Variants in OTOGL observed in about 807,000 individuals in gnomAD.
OTOGL encodes the protein otogelin like.
OTOGL carries 285 observed loss-of-function variants against 318.5 expected under a neutral mutation model. The observed-to-expected ratio is 0.89, with a 90% confidence interval of 0.81 to 0.99. The LOEUF (loss-of-function observed/expected upper bound fraction) is 0.99, where lower values mean the gene tolerates loss of function less well. Among genes scored for constraint, OTOGL ranks in the 50% least tolerant of loss-of-function variants. OTOGL has a pLI of 0.00. For synonymous variants in OTOGL, 987 were observed against 936.5 expected, an observed-to-expected ratio of 1.05 and a Z score of -0.99; for missense variants, 2,899 against 2,845.6, an observed-to-expected ratio of 1.02 and a Z score of -0.43.
chr12:80,292,576 G>T (rs1379476651), intron 26 of OTOGL, among the ~76,000 whole-genome samples: 1 of 152,162 alleles, frequency 6.6e-6, no homozygotes, highest in East Asian at 1.9e-4. Flanking sequence ...GCAAGTTGTG[G>T]ACTGCAGCTG....
At chr12:80,154,469 C>G (rs188640888) in intron 1 of OTOGL, among the ~76,000 whole-genome samples, 9 of 151,662 alleles carry the variant, frequency 5.9e-5, no homozygotes, top group Admixed American at 5.9e-4. Flanking sequence ...CACAATCAAT[C>G]AAATATTTTC....
intron 1 of OTOGL, among the ~76,000 whole-genome samples, chr12:80,178,537 C>T (rs1284551544): frequency 6.6e-6 from 1 of 152,088 alleles, no homozygotes; most frequent in Non-Finnish European, 1.5e-5. Flanking sequence ...CTTGGCCTTC[C>T]CTGCCTCTCA....
chr12:80,234,857 G>T lies in OTOGL; in HGVS notation c.817+1760G>T, dbSNP rs185721318. Among the ~76,000 whole-genome samples, 5 of 152,290 alleles carry T rather than the reference G, an allele frequency of 3.3e-5. No individual in the cohort carries two copies. The East Asian group carries it at 9.7e-4, about 29-fold the overall frequency. On this transcript the variant is annotated intron_variant, in intron 9 of 58. Coordinates refer to ENST00000547103, the MANE Select transcript of OTOGL (RefSeq NM_001378609.3). ...TCCTCATATGTAAAATAGAGATAAT[G>T]ATAATGACTCTGGGAGCTTCCCAGC...
In OTOGL at chr12:80,230,587, T is replaced by C. The variant is rs1046685629; in HGVS notation, c.611+1209T>C. Among the ~76,000 whole-genome samples the C allele has an allele frequency of 7.2e-5, 11 of 152,312 alleles. No individual in the cohort carries two copies. In the East Asian group the frequency reaches 2.1e-3, roughly 29 times the overall value. The stretch of plus-strand genomic sequence containing the variant: ...TCTTTATTAAAGGAGAAACATAATA[T>C]TTAATTTTAACTCAGAGAAAGCATT... On this transcript the variant is annotated intron_variant, in intron 8 of 58. Transcript: ENST00000547103.
intron 7 of OTOGL, among the ~76,000 whole-genome samples, chr12:80,227,239 T>C (rs1053130891): frequency 6.6e-6 from 1 of 152,196 alleles, no homozygotes; most frequent in African/African-American, 2.4e-5. Flanking sequence ...TATACATTTC[T>C]CCTTTTATAT....
At chr12:80,302,140 A>G (rs1267209260) in intron 27 of OTOGL, among the ~76,000 whole-genome samples, 1 of 152,166 alleles carries the variant, frequency 6.6e-6, no homozygotes, top group Admixed American at 6.5e-5. Context: ...AATGTCTCCT[A>G]CCAAACTTAA....
chr12:80,226,060 A>G (rs1300420260), intron 7 of OTOGL, among the ~76,000 whole-genome samples: 2 of 151,896 alleles, frequency 1.3e-5, no homozygotes, highest in African/African-American at 2.4e-5. Flanking sequence ...TCTGGTTTTT[A>G]TCTTACACAT....
At chr12:80,349,775 T>C (rs1048930147) in intron 44 of OTOGL, among the ~76,000 whole-genome samples, 6 of 152,154 alleles carry the variant, frequency 3.9e-5, no homozygotes, top group Non-Finnish European at 7.4e-5. Flanking sequence ...AGGGTTTTTT[T>C]CTGCATCTTC....
Position 80,158,536 on chromosome 12 carries a change from TCATATTTATATGTA to T in OTOGL, c.-19-50859_-19-50846del, listed in dbSNP as rs913101944. Among the ~76,000 whole-genome samples, 14 of 152,150 alleles carry T rather than the reference TCATATTTATATGTA, an allele frequency of 9.2e-5. 1 individual carries two copies. The Middle Eastern group carries it at 0.01, about 111-fold the overall frequency. ...AAAGGCATTCTGAGTATAAATAAAGTCATATTTATATGTACATATTTATATGTACATTATATATA... is the reference window on the plus strand; with the variant it reads ...AAAGGCATTCTGAGTATAAATAAAGTCATATTTATATGTACATTATATATA... On this transcript the variant is annotated intron_variant, in intron 1 of 58. Coordinates refer to ENST00000547103, the MANE Select transcript of OTOGL (RefSeq NM_001378609.3).
intron 1 of OTOGL, among the ~76,000 whole-genome samples, chr12:80,170,822 G>T (rs1234679159): frequency 6.6e-6 from 1 of 152,076 alleles, no homozygotes; most frequent in Non-Finnish European, 1.5e-5. Context: ...TCAAAAGCTT[G>T]TCCTTTTAGT....
intron 24 of OTOGL, among the ~76,000 whole-genome samples, chr12:80,272,968 G>T (rs1228299792): frequency 6.6e-6 from 1 of 152,074 alleles, no homozygotes; most frequent in Non-Finnish European, 1.5e-5. Context: ...AACATTGCTT[G>T]ATTTATTTGA....
At chr12:80,113,445 C>T (rs1393777303) in intron 1 of OTOGL, among the ~76,000 whole-genome samples, 7 of 152,030 alleles carry the variant, frequency 4.6e-5, no homozygotes, top group Admixed American at 2.0e-4. Flanking sequence ...GATTCTGGTA[C>T]GTTGTGTCTT....
At chr12:80,203,472 A>G (rs1255650889) in intron 1 of OTOGL, among the ~76,000 whole-genome samples, 1 of 152,152 alleles carries the variant, frequency 6.6e-6, no homozygotes, top group Non-Finnish European at 1.5e-5. Context: ...GGAAATTAAG[A>G]CACAGACATC....
At chr12:80,367,170 T>C (rs1156659314) in intron 53 of OTOGL, among the ~76,000 whole-genome samples, 1 of 150,490 alleles carries the variant, frequency 6.6e-6, no homozygotes, top group Admixed American at 6.7e-5. Context: ...AAATGGGGTC[T>C]TGCTATGTTT....
chr12:80,208,221 T>C (rs1244908), intron 1 of OTOGL: 210,918 of 515,692 alleles, frequency 0.41, 49,139 homozygotes, highest in African/African-American at 0.81. Flanking sequence ...GAATTATGGT[T>C]ATCTAGAGCA....
chr12:80,349,238 A>G (rs1889391066), intron 44 of OTOGL, among the ~76,000 whole-genome samples: 1 of 152,166 alleles, frequency 6.6e-6, no homozygotes, highest in Non-Finnish European at 1.5e-5. Context: ...TAGTATATGG[A>G]TTTTTAAAAT....
intron 52 of OTOGL, among the ~76,000 whole-genome samples, chr12:80,359,451 G>A (rs1206907213): frequency 6.6e-6 from 1 of 152,110 alleles, no homozygotes; most frequent in East Asian, 1.9e-4. Flanking sequence ...TTCATGATAT[G>A]CCGATAAGGC....
At chr12:80,366,298 C>G (rs1261205366) in intron 52 of OTOGL, 5 of 452,024 alleles carry the variant, frequency 1.1e-5, no homozygotes. Flanking sequence ...CATCAGAACC[C>G]TAGGCTGCCT....
intron 1 of OTOGL, among the ~76,000 whole-genome samples, chr12:80,154,381 C>G (rs1339746455): frequency 1.3e-5 from 2 of 152,126 alleles, no homozygotes; most frequent in Non-Finnish European, 2.9e-5. Context: ...AACTTAAGCT[C>G]AACTAATCAG....
Sources: gnomAD v4.1 joint callset for allele counts (sites outside exome capture counted in the v4.1 genomes callset) on GRCh38, gnomAD v4.1.1 for gene constraint, MANE v1.5 for transcripts, NCBI Gene and HGNC (gene_info 2026-07-23, HGNC 2026-07-21) for gene names.